The following GALNT6 variants were observed in gnomAD, a reference collection of about 807,000 sequenced individuals.
GALNT6 encodes the protein polypeptide N-acetylgalactosaminyltransferase 6, also known as GalNAc transferase 6.
Under a neutral mutation model 65.9 loss-of-function variants are expected in GALNT6, and 51 were observed. That is an observed-to-expected ratio of 0.77 (90% CI 0.62 to 0.98). The LOEUF (loss-of-function observed/expected upper bound fraction) is 0.98. GALNT6 is among the 50% of genes least tolerant of loss of function. The probability of loss-of-function intolerance (pLI) is 0.00; values close to 1 mark genes in which losing one functional copy is unlikely to be tolerated. For synonymous variants in GALNT6, 323 were observed against 315.1 expected, an observed-to-expected ratio of 1.02 and a Z score of -0.26; for missense variants, 708 against 803.3, an observed-to-expected ratio of 0.88 and a Z score of 1.43.
chr12:51,363,259 TAC>T (rs1383862816), intron 6 of GALNT6, among the ~76,000 whole-genome samples: 2 of 152,112 alleles, frequency 1.3e-5, no homozygotes, highest in Non-Finnish European at 2.9e-5. Context: ...AAAATAAACT[TAC>T]AGTCTCCAAT....
rs116800311 is a variant in GALNT6, at chr12:51,355,799, G to A, written c.1755+7C>T. On this transcript the variant is annotated splice_region_variant and intron_variant, in intron 11 of 11. Transcript: ENST00000356317. ...CTTGATTCTGAGCTTTCTGGACACTGACTCACCTGGGCCAATTCCCATTCC... is the reference window on the plus strand; with the variant it reads ...CTTGATTCTGAGCTTTCTGGACACTAACTCACCTGGGCCAATTCCCATTCC... 3,758 of 1,611,714 alleles carry A rather than the reference G, an allele frequency of 2.3e-3. 75 individuals are homozygous for A. In the African/African-American group the frequency reaches 0.044, roughly 19 times the overall value.
Position 51,364,182 on chromosome 12 carries a change from C to T in GALNT6, c.988G>A (p.Gly330Ser), listed in dbSNP as rs775170955. 13 of 1,614,000 alleles carry T rather than the reference C, an allele frequency of 8.1e-6. No individual in the cohort carries two copies. Among genetic ancestry groups the T allele is most frequent in the East Asian group, 4.5e-5 (2 of 44,898 alleles). ...RGNFDWSLTFGWETLPPHEKQ... is the reference protein window; with the variant it reads ...RGNFDWSLTFSWETLPPHEKQ... ...TCATGTGGAGGAAGTGTTTCCCAGC[C>T]GAAGGTCAGGCTCCAGTCAAAGTTG... The change falls in exon 6 of 12, where the codon GGC becomes AGC. Residue 330 changes from glycine to serine, a missense_variant. Physicochemically the swap from Gly to Ser is moderately conservative, Grantham distance 56. Coordinates refer to ENST00000356317, the MANE Select transcript of GALNT6 (RefSeq NM_007210.4).
chr12:51,379,406 T>C lies in GALNT6; in HGVS notation c.376A>G (p.Thr126Ala). The C allele has an allele frequency of 6.2e-7, 1 of 1,607,250 alleles. No homozygotes were observed. Residue 126 changes from threonine to alanine, a missense_variant, in exon 3 of 12, where the codon ACC becomes GCC. Thr to Ala is a moderately conservative substitution (Grantham distance 58). Transcript: ENST00000356317. Reference sequence around the variant, plus strand: ...TCCTTTTCCTGGGTCTCCAGGGGGGTCCACTTGCTCTTCTGAAATGCTTTT... The same window carrying C: ...TCCTTTTCCTGGGTCTCCAGGGGGGCCCACTTGCTCTTCTGAAATGCTTTT... ...DGKAFQKSKW[T>A]PLETQEKEEG...
intron 2 of GALNT6, 41 bp from the exon 3 acceptor site, chr12:51,379,925 A>G (rs1947607718): frequency 8.5e-6 from 7 of 826,292 alleles, no homozygotes; most frequent in South Asian, 5.6e-5. Flanking sequence ...GAGCCAACAC[A>G]GGGTAAGGAG....
chr12:51,360,628 G>A, intron 7 of GALNT6, 93 bp downstream of exon 7: 1 of 760,694 alleles, frequency 1.3e-6, no homozygotes, highest in South Asian at 1.5e-5. Context: ...AGTTCCAGAT[G>A]GGATGTCCCT....
At chr12:51,385,792 C>A (rs1592361198) in intron 2 of GALNT6, among the ~76,000 whole-genome samples, 2 of 152,256 alleles carry the variant, frequency 1.3e-5, no homozygotes, top group South Asian at 4.1e-4. Flanking sequence ...TTATCACCTA[C>A]AAAGTCTAGC....
chr12:51,358,300 A>AT lies in GALNT6; in HGVS notation c.1369-40_1369-39insA. 6.0e-6 allele frequency: 9 copies of AT among 1,510,800 alleles called. No homozygotes were observed. The South Asian group carries it at 6.2e-5, about 10-fold the overall frequency. The allele number at this position is 1,510,800 out of a possible 1,614,324, so 93.6% of individuals were successfully genotyped here. On this transcript the variant is annotated intron_variant, in intron 8 of 11. Transcript: ENST00000356317. ...CAGCCCCCTAAGGATCAGTTCCACC[A>AT]GTTTTTTTTTTTTTTTTTAAGAGGG...
rs1217532636 is a variant in GALNT6 at position 51,353,839 on chromosome 12, T to A, written c.*540A>T. The A allele has an allele frequency of 6.5e-6, 1 of 152,744 alleles. No homozygotes were observed. Among genetic ancestry groups the A allele is most frequent in the Non-Finnish European group, 1.5e-5 (1 of 68,588 alleles). The allele number at this position is 152,744 out of a possible 1,614,324, so 9.5% of individuals were successfully genotyped here. ...ATCAAGGCTCACTGTAGCTTCAACC[T>A]CCGGGGAACAAGCAATCCTCCCACC... On this transcript the variant is annotated 3_prime_UTR_variant, in exon 12 of 12. Transcript: ENST00000356317.
intron 4 of GALNT6, among the ~76,000 whole-genome samples, chr12:51,375,682 C>T (rs113685839): frequency 8.5e-4 from 130 of 152,076 alleles, no homozygotes; most frequent in South Asian, 2.3e-3. Context: ...CTCAGCCTCC[C>T]GAGTAGTTGG....
At chr12:51,372,678 C>T (rs1055392706) in intron 4 of GALNT6, among the ~76,000 whole-genome samples, 9 of 152,208 alleles carry the variant, frequency 5.9e-5, no homozygotes, top group African/African-American at 1.7e-4. Flanking sequence ...CAACTCTGCC[C>T]TACTGAACAC....
At chr12:51,361,870 A>T (rs1169658892) in intron 6 of GALNT6, among the ~76,000 whole-genome samples, 1 of 151,482 alleles carries the variant, frequency 6.6e-6, no homozygotes, top group Non-Finnish European at 1.5e-5. Context: ...AAAGATACAG[A>T]ACCCCTGTAA....
chr12:51,388,056 T>C (rs1473691577), intron 2 of GALNT6, among the ~76,000 whole-genome samples: 2 of 152,108 alleles, frequency 1.3e-5, no homozygotes, highest in African/African-American at 2.4e-5. Context: ...GCCAGAAGCA[T>C]TGAAGTCCGT....
intron 4 of GALNT6, among the ~76,000 whole-genome samples, chr12:51,369,951 C>T (rs981119752): frequency 1.3e-5 from 2 of 152,194 alleles, no homozygotes; most frequent in African/African-American, 4.8e-5. Context: ...TAAATCAGAT[C>T]ATGTCACTAC....
chr12:51,362,381 C>T (rs1357612074), intron 6 of GALNT6, among the ~76,000 whole-genome samples: 2 of 152,190 alleles, frequency 1.3e-5, no homozygotes, highest in Non-Finnish European at 2.9e-5. Context: ...CTCTTAGGCT[C>T]TGGTTGGCTT....
chr12:51,369,057 C>G (rs1947204210), intron 4 of GALNT6, among the ~76,000 whole-genome samples: 1 of 152,232 alleles, frequency 6.6e-6, no homozygotes, highest in Non-Finnish European at 1.5e-5. Flanking sequence ...AGCCCAGGCT[C>G]CTCAGCATGG....
rs1234516524 is a variant in GALNT6, at chr12:51,359,301, A to T, written c.1199T>A (p.Ile400Asn). The change falls in exon 8 of 12, where the codon ATC becomes AAC. Residue 400 changes from isoleucine to asparagine, a missense_variant. Coordinates refer to ENST00000356317, the MANE Select transcript of GALNT6 (RefSeq NM_007210.4). ...VWQCGGQLEI[I>N]PCSVVGHVFR... Reference sequence around the variant, plus strand: ...CACATGGCCTACGACAGAGCAGGGGATGATCTCCAGCTGGCCCCCACACTG... The same window carrying T: ...CACATGGCCTACGACAGAGCAGGGGTTGATCTCCAGCTGGCCCCCACACTG... 6.2e-7 allele frequency: 1 copy of T among 1,613,008 alleles called. No homozygotes were observed. The highest frequency in any genetic ancestry group is 8.5e-7 in the Non-Finnish European group (1 of 1,179,484).
At chr12:51,360,909 T>C in intron 6 of GALNT6, 71 bp from the exon 7 acceptor site, 1 of 988,398 alleles carries the variant, frequency 1.0e-6, no homozygotes, top group Admixed American at 1.9e-5. Flanking sequence ...GGGAAAGCTG[T>C]TTGTGGACTC....
At chr12:51,363,364 A>G (rs1157906304) in intron 6 of GALNT6, among the ~76,000 whole-genome samples, 3 of 152,156 alleles carry the variant, frequency 2.0e-5, no homozygotes, top group African/African-American at 4.8e-5. Flanking sequence ...TTGACTTCCA[A>G]TTGTCTACCC....
Position 51,354,174 on chromosome 12 carries a change from T to C in GALNT6, c.*205A>G. The C allele has an allele frequency of 5.9e-6, 3 of 507,560 alleles. No individual in the cohort carries two copies. Among genetic ancestry groups the C allele is most frequent in the Non-Finnish European group, 1.0e-5 (3 of 292,962 alleles). The allele number at this position is 507,560 out of a possible 1,614,324, so 31.4% of individuals were successfully genotyped here. A position where few individuals can be genotyped will look rare whatever the true frequency, so the allele number is the denominator to read the frequency against. On this transcript the variant is annotated 3_prime_UTR_variant, in exon 12 of 12. Transcript: ENST00000356317. ...AGGAAAACGCTAGGCTAAATATATG[T>C]CCTAATGGTCTCTTCCATCGGTGTG...
Sources: allele counts gnomAD v4.1 joint callset (sites outside exome capture counted in the v4.1 genomes callset), GRCh38; gene constraint gnomAD v4.1.1; transcripts MANE v1.5; gene names NCBI Gene and HGNC (gene_info 2026-07-23, HGNC 2026-07-21).